The following MEIG1 variants were observed in gnomAD, a reference collection of about 807,000 sequenced individuals.
MEIG1 encodes meiosis expressed gene 1 protein homolog.
In MEIG1, 12 loss-of-function variants were observed where a neutral mutation model predicts 11.3. That is an observed-to-expected ratio of 1.07 (90% CI 0.68 to 1.73). The LOEUF (loss-of-function observed/expected upper bound fraction) is 1.73. MEIG1 is among the 40% of genes most tolerant of loss of function. MEIG1 has a pLI of 0.00. For missense variants in MEIG1, 119 were observed against 104.9 expected (o/e 1.13, Z -0.59); for synonymous variants, 41 against 33.2 (o/e 1.24, Z -0.81).
At chr10:14,986,154 T>G (rs1040357216) in intron 1 of MEIG1, among the ~76,000 whole-genome samples, 2 of 152,170 alleles carry the variant, frequency 1.3e-5, no homozygotes, top group East Asian at 1.9e-4. Context: ...CTTGCAGCAT[T>G]TTTTAACCAT....
At chr10:14,981,780 A>G (rs1055384665) in intron 1 of MEIG1, among the ~76,000 whole-genome samples, 2 of 152,102 alleles carry the variant, frequency 1.3e-5, no homozygotes, top group African/African-American at 4.8e-5. Context: ...TTTCTTTCCA[A>G]TAAGCACACT....
chr10:14,971,236 T>TAATAAC (rs1554806491), intron 2 of MEIG1, among the ~76,000 whole-genome samples: 4 of 148,242 alleles, frequency 2.7e-5, no homozygotes, highest in Non-Finnish European at 4.5e-5. Context: ...ATAATAATAA[T>TAATAAC]AACAACAATA....
chr10:14,961,534 G>A (rs10906780), intron 1 of MEIG1, among the ~76,000 whole-genome samples: 14,179 of 151,776 alleles, frequency 0.093, 1,348 homozygotes, highest in East Asian at 0.27. Flanking sequence ...GCAGTGGTGC[G>A]ATCTTGGCTC....
intron 2 of MEIG1, among the ~76,000 whole-genome samples, chr10:14,971,236 T>C (rs116679203): frequency 7.4e-5 from 11 of 148,246 alleles, no homozygotes; most frequent in Admixed American, 2.7e-4. Flanking sequence ...ATAATAATAA[T>C]AACAACAATA....
At chr10:14,972,909 A>G (rs1398713749), downstream of MEIG1, 1 of 278,214 alleles carries the variant, frequency 3.6e-6, no homozygotes, top group East Asian at 1.1e-4. Context: ...TCTGTCGCCC[A>G]GGCTGGAGTG....
chr10:14,968,738 G>T (rs940206627), intron 2 of MEIG1, among the ~76,000 whole-genome samples: 3 of 151,798 alleles, frequency 2.0e-5, no homozygotes, highest in African/African-American at 7.3e-5. Context: ...ATCATCTATG[G>T]CTTTTAAACA....
chr10:14,987,016 T>A (rs892669896), intron 2 of MEIG1: 3 of 628,908 alleles, frequency 4.8e-6, no homozygotes, highest in Non-Finnish European at 5.4e-6. Flanking sequence ...GACACAGAGG[T>A]GAGGATTCAT....
At chr10:14,987,288 CA>C in intron 2 of MEIG1, 1 of 786,892 alleles carries the variant, frequency 1.3e-6, no homozygotes, top group African/African-American at 1.7e-5. Context: ...TCAGAGCTGA[CA>C]GCCAGGATGC....
intron 1 of MEIG1, among the ~76,000 whole-genome samples, chr10:14,979,640 A>C (rs112212402): frequency 0.013 from 2,039 of 151,886 alleles, 41 homozygotes; most frequent in African/African-American, 0.047. Context: ...TGTTACTTGT[A>C]ATGTCACATG....
upstream of MEIG1, among the ~76,000 whole-genome samples, chr10:14,958,917 A>C (rs1460000203): frequency 7.9e-5 from 12 of 152,270 alleles, no homozygotes; most frequent in Non-Finnish European, 1.5e-4. Flanking sequence ...AAACAAAAAA[A>C]CAAAAAACCG....
At chr10:14,961,638 ATTT>A (rs34536061) in intron 1 of MEIG1, among the ~76,000 whole-genome samples, 34 of 76,586 alleles carry the variant, frequency 4.4e-4, no homozygotes, top group Non-Finnish European at 7.9e-4. Flanking sequence ...CATCCGGCTA[ATTT>A]TTTTTTTTTT....
chr10:14,973,691 A>G (rs1843176823), downstream of MEIG1, among the ~76,000 whole-genome samples: 1 of 142,764 alleles, frequency 7.0e-6, no homozygotes. Flanking sequence ...AATGGTGTGA[A>G]CCCAGGAGGC....
At chr10:14,982,229 C>T (rs1360638705) in intron 1 of MEIG1, among the ~76,000 whole-genome samples, 5 of 152,148 alleles carry the variant, frequency 3.3e-5, no homozygotes, top group Non-Finnish European at 7.3e-5. Context: ...CTTCTGAGCT[C>T]CCCTCATTAA....
At chr10:14,959,103 C>G (rs1297472314), upstream of MEIG1, among the ~76,000 whole-genome samples, 1 of 152,200 alleles carries the variant, frequency 6.6e-6, no homozygotes, top group Non-Finnish European at 1.5e-5. Context: ...TAGGAGATAT[C>G]TACTATCAGG....
downstream of MEIG1, among the ~76,000 whole-genome samples, chr10:14,974,511 G>C (rs1843190067): frequency 6.6e-6 from 1 of 152,108 alleles, no homozygotes; most frequent in Non-Finnish European, 1.5e-5. Context: ...GTATACCGCT[G>C]CTCTCTCAGG....
At chr10:14,963,672 C>T (rs1405477171) in intron 1 of MEIG1, among the ~76,000 whole-genome samples, 1 of 152,106 alleles carries the variant, frequency 6.6e-6, no homozygotes, top group Non-Finnish European at 1.5e-5. Flanking sequence ...TCGTATAATA[C>T]TGTAAAACTG....
At position 14,966,508 on chromosome 10, in the gene MEIG1, G is replaced by T; in HGVS notation, c.40G>T (p.Ala14Ser). Residue 14 changes from alanine to serine, a missense_variant, in exon 2 of 3, where the codon GCC becomes TCC. Coordinates refer to ENST00000407572, the MANE Select transcript of MEIG1 (RefSeq NM_001080836.3). The part of the protein sequence containing the change: ...SDVKPKSVSH[A>S]KKWSEEIENL... ...CGTAAAACCAAAATCAGTAAGTCAT[G>T]CCAAAAAATGGTCAGAAGAGATAGA... is the stretch of plus-strand genomic sequence containing the variant. 1 of 1,611,798 alleles carries T rather than the reference G, an allele frequency of 6.2e-7. No homozygotes were observed. The highest frequency in any genetic ancestry group is 8.5e-7 in the Non-Finnish European group (1 of 1,179,088).
At chr10:14,984,246 A>AGGCGGGGAGAGGG (rs1843295467) in intron 1 of MEIG1, among the ~76,000 whole-genome samples, 1 of 23,996 alleles carries the variant, frequency 4.2e-5, no homozygotes, top group Non-Finnish European at 6.8e-5. Context: ...CGTAATATCC[A>AGGCGGGGAGAGGG]GGGTGGGAGA....
downstream of MEIG1, among the ~76,000 whole-genome samples, chr10:14,975,879 C>G (rs775656713): frequency 6.6e-6 from 1 of 152,124 alleles, no homozygotes; most frequent in Non-Finnish European, 1.5e-5. Flanking sequence ...CAGAAACACT[C>G]CCGTGATATT....
Sources: allele counts gnomAD v4.1 joint callset (sites outside exome capture counted in the v4.1 genomes callset), GRCh38; gene constraint gnomAD v4.1.1; transcripts MANE v1.5; gene names NCBI Gene and HGNC (gene_info 2026-07-23, HGNC 2026-07-21).